NCKAP5: variants seen among roughly 807,000 people sequenced by gnomAD.
NCKAP5 encodes the protein NCK associated protein 5, also known as nck-associated protein 5.
In NCKAP5, 92 loss-of-function variants were observed where a neutral mutation model predicts 167.0. That is an observed-to-expected ratio of 0.55 (90% CI 0.47 to 0.66). The LOEUF (loss-of-function observed/expected upper bound fraction) is 0.66, where lower values mean the gene tolerates loss of function less well. Ranked by LOEUF, NCKAP5 falls within the 30% of genes least tolerant of loss-of-function variation. The probability of loss-of-function intolerance (pLI) is 0.00; values close to 1 mark genes in which losing one functional copy is unlikely to be tolerated. For synonymous variants in NCKAP5, 891 were observed against 877.4 expected, an observed-to-expected ratio of 1.02 and a Z score of -0.27; for missense variants, 2,378 against 2,315.0, an observed-to-expected ratio of 1.03 and a Z score of -0.56.
chr2:132,888,372 T>C (rs1349384758), intron 8 of NCKAP5, among the ~76,000 whole-genome samples: 2 of 152,178 alleles, frequency 1.3e-5, no homozygotes, highest in African/African-American at 4.8e-5. Context: ...TTTGATTTAT[T>C]ATTAGGATGT....
chr2:133,027,808 A>G (rs1046686111), intron 6 of NCKAP5, among the ~76,000 whole-genome samples: 5 of 152,206 alleles, frequency 3.3e-5, no homozygotes, highest in Non-Finnish European at 5.9e-5. Flanking sequence ...TTGCTCAGGT[A>G]TTCAATTTTT....
chr2:133,617,512 G>A, the NCKAP5 span, among the ~76,000 whole-genome samples: 1 of 139,950 alleles, frequency 7.1e-6, no homozygotes, highest in East Asian at 2.0e-4. Flanking sequence ...ACCAACAACA[G>A]ACAAACAGAG....
chr2:133,654,121 C>T, the NCKAP5 span, among the ~76,000 whole-genome samples: 1 of 152,114 alleles, frequency 6.6e-6, no homozygotes, highest in Admixed American at 6.6e-5. Context: ...CGCTGGCTCA[C>T]ATCTGTAATC....
intron 3 of NCKAP5, among the ~76,000 whole-genome samples, chr2:133,380,115 C>G (rs1248489711): frequency 6.6e-6 from 1 of 152,052 alleles, no homozygotes. Context: ...TTTATTCCTT[C>G]TATGATATTT....
Position 132,783,232 on chromosome 2 carries a change from G to C in NCKAP5, c.3579C>G (p.Ser1193=). 1 of 1,613,930 alleles carries C rather than the reference G, an allele frequency of 6.2e-7. No homozygotes were observed. Among genetic ancestry groups the C allele is most frequent in the South Asian group, 1.1e-5 (1 of 91,078 alleles). The change falls in exon 14 of 20, where the codon TCC becomes TCG. Residue 1193 remains serine, a synonymous_variant. Transcript: ENST00000409261. ...TGATCTCCATGCTTGCTGGATTCTT[G>C]GAGTCCTCTGGCTTAGACTTGTTCA... The part of the protein sequence containing the change: ...VAVNKSKPED[S]KNPASMEITA...
chr2:133,403,995 G>T (rs909907373), intron 3 of NCKAP5, among the ~76,000 whole-genome samples: 1 of 152,132 alleles, frequency 6.6e-6, no homozygotes, highest in Non-Finnish European at 1.5e-5. Context: ...CAGCTGGGCA[G>T]CCCAGGCTCT....
chr2:133,057,044 A>G lies in NCKAP5; in HGVS notation c.342-62805T>C, dbSNP rs75742939. 6.6e-5 allele frequency among the ~76,000 whole-genome samples: 10 copies of G among 152,300 alleles called. No individual in the cohort carries two copies. The East Asian group carries it at 1.5e-3, about 24-fold the overall frequency. On this transcript the variant is annotated intron_variant, in intron 6 of 19. Transcript: ENST00000409261. Reference sequence around the variant, plus strand: ...CTTTTTCATTTTTAGTACATCTGCTATGGTTAACTGTGATCAGTGATCTTT... The same window carrying G: ...CTTTTTCATTTTTAGTACATCTGCTGTGGTTAACTGTGATCAGTGATCTTT...
At chr2:133,043,260 C>G (rs754354341) in intron 6 of NCKAP5, among the ~76,000 whole-genome samples, 1 of 152,162 alleles carries the variant, frequency 6.6e-6, no homozygotes, top group East Asian at 1.9e-4. Context: ...GTGCCAAGTA[C>G]TTATACTCCT....
chr2:133,654,694 A>T, the NCKAP5 span, among the ~76,000 whole-genome samples: 1 of 152,224 alleles, frequency 6.6e-6, no homozygotes, highest in Non-Finnish European at 1.5e-5. Flanking sequence ...AATACCAGCC[A>T]CGTGGTTGGT....
chr2:133,333,292 T>C (rs1262253414), intron 3 of NCKAP5, among the ~76,000 whole-genome samples: 4 of 152,160 alleles, frequency 2.6e-5, no homozygotes, highest in Non-Finnish European at 5.9e-5. Flanking sequence ...CTTTTTTAGA[T>C]AAATCCCAGG....
chr2:133,590,274 A>G, the NCKAP5 span, among the ~76,000 whole-genome samples: 2 of 151,728 alleles, frequency 1.3e-5, no homozygotes, highest in African/African-American at 4.8e-5. Context: ...GCAGATCACG[A>G]GGTTAGGAGA....
chr2:132,948,809 G>A (rs1027360219), intron 8 of NCKAP5, among the ~76,000 whole-genome samples: 3 of 152,138 alleles, frequency 2.0e-5, no homozygotes, highest in African/African-American at 7.2e-5. Context: ...CCTCCACTTT[G>A]GCAGGTAGGT....
At chr2:133,563,584 A>T (rs1364121062) in intron 1 of NCKAP5, among the ~76,000 whole-genome samples, 11 of 151,104 alleles carry the variant, frequency 7.3e-5, no homozygotes, top group Middle Eastern at 3.4e-3. Flanking sequence ...AAAAAAAAAA[A>T]AAAAAAAAAA....
At chr2:133,226,414 A>G (rs970077422) in intron 4 of NCKAP5, among the ~76,000 whole-genome samples, 1 of 152,066 alleles carries the variant, frequency 6.6e-6, no homozygotes, top group Non-Finnish European at 1.5e-5. Context: ...TAACACACCT[A>G]TGGTTCAGCA....
intron 8 of NCKAP5, among the ~76,000 whole-genome samples, chr2:132,904,489 T>A (rs974761976): frequency 2.6e-5 from 4 of 152,112 alleles, no homozygotes; most frequent in Non-Finnish European, 5.9e-5. Context: ...TAAATCTCAT[T>A]TTACATCATG....
the NCKAP5 span, among the ~76,000 whole-genome samples, chr2:133,594,704 C>T: frequency 1.3e-5 from 2 of 152,018 alleles, no homozygotes; most frequent in Non-Finnish European, 2.9e-5. Context: ...AGGGTTTTGT[C>T]AAGAGAGAAC....
At chr2:132,827,914 C>T (rs746050230) in intron 11 of NCKAP5, among the ~76,000 whole-genome samples, 23 of 152,266 alleles carry the variant, frequency 1.5e-4, no homozygotes, top group East Asian at 7.7e-4. Context: ...ATGGTTGACC[C>T]TATACCTGCT....
chr2:133,302,842 A>G (rs1680492997), intron 4 of NCKAP5, among the ~76,000 whole-genome samples, 195 bp downstream of exon 4: 1 of 152,134 alleles, frequency 6.6e-6, no homozygotes, highest in Non-Finnish European at 1.5e-5. Context: ...GAAGCAAGCA[A>G]GGATCAAATA....
chr2:133,543,078 A>G (rs1243315922), intron 2 of NCKAP5, among the ~76,000 whole-genome samples: 1 of 152,138 alleles, frequency 6.6e-6, no homozygotes, highest in African/African-American at 2.4e-5. Flanking sequence ...GGGGGGACCT[A>G]GTGGGAGGTA....
Sources: allele counts gnomAD v4.1 joint callset (sites outside exome capture counted in the v4.1 genomes callset), GRCh38; gene constraint gnomAD v4.1.1; transcripts MANE v1.5; gene names NCBI Gene and HGNC (gene_info 2026-07-23, HGNC 2026-07-21).